The following DDX18 variants were observed in gnomAD, a reference collection of about 807,000 sequenced individuals.
The protein encoded by DDX18 is ATP-dependent RNA helicase DDX18.
Under a neutral mutation model 73.5 loss-of-function variants are expected in DDX18, and 23 were observed. The observed-to-expected ratio is 0.31, with a 90% CI of 0.23 to 0.44. DDX18 has a LOEUF of 0.44. DDX18 is among the 20% of genes least tolerant of loss of function. DDX18 has a pLI of 1.00. For missense variants in DDX18, 753 were observed against 792.9 expected (o/e 0.95, Z 0.60); for synonymous variants, 268 against 282.7 (o/e 0.95, Z 0.52).
intron 1 of DDX18, chr2:117,815,063 C>A: frequency 1.7e-6 from 1 of 595,542 alleles, no homozygotes; most frequent in South Asian, 2.0e-5. Flanking sequence ...TGCTCCTGAC[C>A]TTTCTGAGCA....
At chr2:117,823,834 C>T (rs1679883136) in intron 7 of DDX18, among the ~76,000 whole-genome samples, 1 of 152,094 alleles carries the variant, frequency 6.6e-6, no homozygotes, top group South Asian at 2.1e-4. Flanking sequence ...CCCTTCTGTT[C>T]CTAGTTTGCT....
rs1680012805 is a variant in DDX18, at chr2:117,830,889, C to G, written c.*165C>G. 1.4e-6 allele frequency: 1 copy of G among 733,194 alleles called. No individual in the cohort carries two copies. The highest frequency in any genetic ancestry group is 1.8e-5 in the African/African-American group (1 of 54,110). 45.4% of individuals were successfully genotyped at this position (733,194 alleles called of 1,614,324 possible). On this transcript the variant is annotated 3_prime_UTR_variant, in exon 14 of 14. Coordinates refer to ENST00000263239, the MANE Select transcript of DDX18 (RefSeq NM_006773.4). ...GCACTGTTACTTCTATCACGTCTCT[C>G]TTTTATTTCTGGGATATAAAACAGG...
chr2:117,815,910 A>G (rs1477700032), intron 1 of DDX18, among the ~76,000 whole-genome samples: 1 of 152,138 alleles, frequency 6.6e-6, no homozygotes, highest in African/African-American at 2.4e-5. Flanking sequence ...ACCTAAATCT[A>G]CTACACACCC....
rs935832107 is a variant in DDX18, at chr2:117,832,200, TTTAA to T, written c.*1480_*1483del. On this transcript the variant is annotated 3_prime_UTR_variant, in exon 14 of 14. Transcript: ENST00000263239. Reference sequence around the variant, plus strand: ...AAAGACAAAAACAAAGGGAAGAATATTTAATTACTGAGCAGAAGTAAATACTGTT... The same window carrying T: ...AAAGACAAAAACAAAGGGAAGAATATTTACTGAGCAGAAGTAAATACTGTT... 1.3e-5 allele frequency: 2 copies of T among 152,194 alleles called. No individual in the cohort carries two copies. Among genetic ancestry groups the T allele is most frequent in the Non-Finnish European group, 2.9e-5 (2 of 68,046 alleles). 9.4% of individuals were successfully genotyped at this position (152,194 alleles called of 1,614,324 possible). A position where few individuals can be genotyped will look rare whatever the true frequency, so the allele number is the denominator to read the frequency against.
Position 117,824,705 on chromosome 2 carries a change from A to G in DDX18, c.1203A>G (p.Glu401=), listed in dbSNP as rs774121921. ...CGAATGCAACAGTGGATGGTCTTGA[A>G]CAGGTACTTTTTATCAATAACTGAA... ...DKANATVDGL[E]QGYVVCPSEK... is the part of the protein sequence containing the mutation. Residue 401 remains glutamate (E), a synonymous_variant, in exon 8 of 14, where the codon GAA becomes GAG. Transcript: ENST00000263239. 1.3e-6 allele frequency: 2 copies of G among 1,485,984 alleles called. No homozygotes were observed. Among genetic ancestry groups the G allele is most frequent in the Non-Finnish European group, 1.8e-6 (2 of 1,119,202 alleles). 92.0% of individuals were successfully genotyped at this position (1,485,984 alleles called of 1,614,324 possible).
rs1469879757 is a variant in DDX18 at position 117,821,663 on chromosome 2, G to T, written c.664G>T (p.Ala222Ser). The change falls in exon 5 of 14, where the codon GCT (alanine) becomes TCT (serine). Residue 222 changes from alanine (A) to serine (S), a missense_variant. By Grantham distance (99) the Ala-to-Ser change is moderately conservative (BLOSUM62 1). Around this residue, in one of 3 missense-constraint regions of DDX18, gnomAD observed 345 missense variants for 352.0 expected, o/e 0.98. Coordinates refer to ENST00000263239, the MANE Select transcript of DDX18 (RefSeq NM_006773.4). ...PLLEGRDLLA[A>S]AKTGSGKTLA... ...TTTAATATTTAGGGATCTTCTAGCA[G>T]CTGCAAAAACAGGCAGTGGTAAAAC... The T allele has an allele frequency of 1.9e-6, 3 of 1,613,936 alleles. No individual in the cohort carries two copies. The highest frequency in any genetic ancestry group is 2.5e-6 in the Non-Finnish European group (3 of 1,179,900).
chr2:117,825,237 T>G, intron 9 of DDX18, 136 bp downstream of exon 9: 7 of 1,284,382 alleles, frequency 5.5e-6, no homozygotes, highest in Non-Finnish European at 7.5e-6. Context: ...GGATCCTGTG[T>G]GGGGGAGCGC....
chr2:117,815,452 C>A (rs926561277), intron 1 of DDX18, among the ~76,000 whole-genome samples: 3 of 152,116 alleles, frequency 2.0e-5, no homozygotes, highest in Admixed American at 1.3e-4. Flanking sequence ...CCTTTCTTAC[C>A]TACCTCATTT....
Position 117,830,595 on chromosome 2 carries a change from T to C in DDX18, c.1884T>C (p.Asn628=), listed in dbSNP as rs1301389340. The C allele has an allele frequency of 2.5e-6, 4 of 1,613,514 alleles. No homozygotes were observed. The highest frequency in any genetic ancestry group is 3.3e-5 in the Admixed American group (2 of 59,928). The change falls in exon 14 of 14, where the codon AAT becomes AAC. Residue 628 remains asparagine (N), a synonymous_variant. Coordinates refer to ENST00000263239, the MANE Select transcript of DDX18 (RefSeq NM_006773.4). ...GTTTGCCTCCAGACGTCAACAGTAA[T>C]GAAGGCAAGCAGAAAAAGCGAGGAG... The part of the protein sequence containing the change: ...PPFVDLNVNS[N]EGKQKKRGGG...
At chr2:117,818,715 T>C (rs1357302368) in intron 2 of DDX18, among the ~76,000 whole-genome samples, 1 of 152,018 alleles carries the variant, frequency 6.6e-6, no homozygotes, top group African/African-American at 2.4e-5. Flanking sequence ...TGAGATGGGG[T>C]CTCACTGTGT....
chr2:117,821,077 A>G (rs562610737), intron 3 of DDX18, 84 bp from the exon 4 acceptor site: 13 of 1,373,628 alleles, frequency 9.5e-6, no homozygotes, highest in Admixed American at 2.9e-5. Flanking sequence ...AAGCTTTTCT[A>G]AGCAAAATAG....
At chr2:117,818,866 A>G (rs2104620106) in intron 2 of DDX18, among the ~76,000 whole-genome samples, 1 of 152,236 alleles carries the variant, frequency 6.6e-6, no homozygotes, top group South Asian at 2.1e-4. Flanking sequence ...AAAACAAAAT[A>G]AGCCATGGAG....
chr2:117,829,226 C>G, intron 12 of DDX18, 63 bp from the exon 13 acceptor site: 1 of 1,496,494 alleles, frequency 6.7e-7, no homozygotes, highest in Non-Finnish European at 9.0e-7. Context: ...TATTTAAAAT[C>G]TGGTGTTTTG....
At chr2:117,815,115 T>C (rs1050545945) in intron 1 of DDX18, 6 of 543,062 alleles carry the variant, frequency 1.1e-5, no homozygotes, top group Non-Finnish European at 9.9e-6. Flanking sequence ...GGACTCCCCG[T>C]TCACTTCTAG....
At position 117,826,281 on chromosome 2, in the gene DDX18, C is replaced by G; in HGVS notation, c.1534C>G (p.Arg512Gly). The G allele has an allele frequency of 6.2e-7, 1 of 1,613,646 alleles. No individual in the cohort carries two copies. Among genetic ancestry groups the G allele is most frequent in the Non-Finnish European group, 8.5e-7 (1 of 1,179,780 alleles). The change falls in exon 11 of 14, where the codon CGT becomes GGT. Residue 512 changes from arginine (R) to glycine (G), a missense_variant. Coordinates refer to ENST00000263239, the MANE Select transcript of DDX18 (RefSeq NM_006773.4). ...PPDDPKEYIH[R>G]VGRTARGLNG... ...TTCTCCACCAAAGGAATATATTCAT[C>G]GTGTGGGTAGAACAGCCAGAGGCCT...
In DDX18 at chr2:117,824,543, G is replaced by T. The variant is rs751839240; in HGVS notation, c.1067-26G>T. The T allele has an allele frequency of 7.4e-6, 10 of 1,350,376 alleles. No homozygotes were observed. The South Asian group carries it at 1.0e-4, about 14-fold the overall frequency. 83.6% of individuals were successfully genotyped at this position (1,350,376 alleles called of 1,614,324 possible). On this transcript the variant is annotated intron_variant, in intron 7 of 13. Coordinates refer to ENST00000263239, the MANE Select transcript of DDX18 (RefSeq NM_006773.4). ...TGTAAAGATTCCCTAAAAGATTGGG[G>T]TTATTTTTATATGTATCTGTTTCAG...
At chr2:117,815,919 C>T (rs1201724582) in intron 1 of DDX18, among the ~76,000 whole-genome samples, 1 of 152,052 alleles carries the variant, frequency 6.6e-6, no homozygotes, top group African/African-American at 2.4e-5. Context: ...TACTACACAC[C>T]CAGGCTACAT....
At chr2:117,826,062 TGGGCCTCAATCATTGGCCTA>T in intron 10 of DDX18, 187 bp from the exon 11 acceptor site, 1 of 146,460 alleles carries the variant, frequency 6.8e-6, no homozygotes, top group Non-Finnish European at 1.3e-5. Context: ...TTTTTTTTTT[TGGGCCTCAATCATTGGCCTA>T]TTGGGGGTGA....
chr2:117,819,703 A>C lies in DDX18; in HGVS notation c.425A>C (p.Glu142Ala). The change falls in exon 3 of 14, where the codon GAG becomes GCG. Residue 142 changes from glutamate to alanine, a missense_variant. Physicochemically the swap from Glu to Ala is moderately radical, Grantham distance 107 (BLOSUM62 -1). Coordinates refer to ENST00000263239, the MANE Select transcript of DDX18 (RefSeq NM_006773.4). Reference protein sequence around the residue: ...NKGKSEEESAETTKETENNVE... With the variant: ...NKGKSEEESAATTKETENNVE... ...GGGAAATCTGAAGAAGAAAGTGCCGAGACTACTAAAGAAACAGAAAATAAT... is the reference window on the plus strand; with the variant it reads ...GGGAAATCTGAAGAAGAAAGTGCCGCGACTACTAAAGAAACAGAAAATAAT... 1 of 1,607,196 alleles carries C rather than the reference A, an allele frequency of 6.2e-7. No individual in the cohort carries two copies. The highest frequency in any genetic ancestry group is 1.1e-5 in the South Asian group (1 of 89,526).
Sources: gnomAD v4.1 joint callset for allele counts (sites outside exome capture counted in the v4.1 genomes callset) on GRCh38, gnomAD v4.1.1 for gene constraint, gnomAD v4.1.1 regional missense constraint, MANE v1.5 for transcripts, NCBI Gene and HGNC (gene_info 2026-07-23, HGNC 2026-07-21) for gene names.